Variants in ANAPC1 observed in about 807,000 individuals in gnomAD.
ANAPC1 encodes anaphase promoting complex subunit 1.
A neutral mutation model predicts 208.0 loss-of-function variants in ANAPC1; 36 were observed. The ratio of observed to expected loss-of-function variants is 0.17; its 90% CI spans 0.13 to 0.23. The LOEUF (loss-of-function observed/expected upper bound fraction) is 0.23. Among genes scored for constraint, ANAPC1 ranks in the 10% least tolerant of loss-of-function variants. ANAPC1 has a pLI of 1.00. For missense variants in ANAPC1, 942 were observed against 2,011.6 expected (o/e 0.47, Z 10.17); for synonymous variants, 378 against 695.2 (o/e 0.54, Z 7.18).
At chr2:111,816,403 G>A (rs1468728072) in intron 27 of ANAPC1, among the ~76,000 whole-genome samples, 10 of 150,548 alleles carry the variant, frequency 6.6e-5, no homozygotes, top group East Asian at 1.9e-4. Context: ...ATATGCTATC[G>A]TTTAAAATGC....
intron 17 of ANAPC1, among the ~76,000 whole-genome samples, chr2:111,840,034 T>C (rs1002424699): frequency 8.5e-5 from 13 of 152,186 alleles, no homozygotes; most frequent in Admixed American, 7.2e-4. Context: ...GTCTGGGGTA[T>C]ATGTGAGAAA....
chr2:111,826,675 T>TA (rs200546010), intron 21 of ANAPC1, among the ~76,000 whole-genome samples: 10,803 of 149,264 alleles, frequency 0.072, 580 homozygotes, highest in South Asian at 0.2. Flanking sequence ...ATTTTTTTTT[T>TA]TTTTGAGACG....
intron 16 of ANAPC1, among the ~76,000 whole-genome samples, chr2:111,845,217 G>C (rs1333950187): frequency 6.6e-6 from 1 of 152,138 alleles, no homozygotes; most frequent in Non-Finnish European, 1.5e-5. Flanking sequence ...CCCTCAGAGT[G>C]GCCAGGGCTA....
chr2:111,798,324 A>T (rs979897733), intron 34 of ANAPC1, among the ~76,000 whole-genome samples: 16 of 152,232 alleles, frequency 1.1e-4, no homozygotes, highest in Non-Finnish European at 1.6e-4. Flanking sequence ...TTGAACTACA[A>T]ACAACGTGGT....
At chr2:111,868,215 A>G (rs1212272647) in intron 6 of ANAPC1, 119 bp from the exon 7 acceptor site, 1 of 549,980 alleles carries the variant, frequency 1.8e-6, no homozygotes, top group East Asian at 3.1e-5. Flanking sequence ...TACTATCTCA[A>G]AATGCAATCT....
Position 111,792,504 on chromosome 2 carries a change from C to A in ANAPC1, c.4570G>T (p.Ala1524Ser). ...TTTCCTGAGCCAGCCATGACCATGGCGAGAGACAGCAGCACCACGCTCAGA... is the reference window on the plus strand; with the variant it reads ...TTTCCTGAGCCAGCCATGACCATGGAGAGAGACAGCAGCACCACGCTCAGA... ...TCLSVVLLSL[A>S]MVMAGSGNLK... The change falls in exon 38 of 48, where the codon GCC becomes TCC. Residue 1524 changes from alanine to serine, a missense_variant. Ala to Ser is a moderately conservative substitution (Grantham distance 99, BLOSUM62 1). Coordinates refer to ENST00000341068, the MANE Select transcript of ANAPC1 (RefSeq NM_022662.4). 6.2e-7 allele frequency: 1 copy of A among 1,613,936 alleles called. No individual in the cohort carries two copies. The highest frequency in any genetic ancestry group is 8.5e-7 in the Non-Finnish European group (1 of 1,179,868).
At chr2:111,855,619 T>C (rs948569372) in intron 13 of ANAPC1, among the ~76,000 whole-genome samples, 2 of 152,180 alleles carry the variant, frequency 1.3e-5, no homozygotes, top group Non-Finnish European at 2.9e-5. Context: ...GTACATGGTA[T>C]CTTTTTTTAT....
chr2:111,872,905 A>C (rs1446419137), intron 5 of ANAPC1, 193 bp from the exon 6 acceptor site: 1 of 574,096 alleles, frequency 1.7e-6, no homozygotes, highest in Admixed American at 3.3e-5. Context: ...CAAATCTAAT[A>C]AAGAGGAGTT....
At chr2:111,783,637 T>C (rs1677402402) in intron 42 of ANAPC1, among the ~76,000 whole-genome samples, 1 of 152,208 alleles carries the variant, frequency 6.6e-6, no homozygotes, top group South Asian at 2.1e-4. Context: ...ATAAGTCCAT[T>C]ACTCTCACAA....
chr2:111,868,145 G>A (rs779851885), intron 6 of ANAPC1, 49 bp from the exon 7 acceptor site: 3 of 1,365,760 alleles, frequency 2.2e-6, no homozygotes, highest in East Asian at 2.4e-5. Flanking sequence ...GTATGTCTGT[G>A]CACAAATTTT....
intron 26 of ANAPC1, 25 bp downstream of exon 26, chr2:111,821,214 A>G: frequency 3.1e-6 from 5 of 1,594,948 alleles, no homozygotes; most frequent in Non-Finnish European, 2.6e-6. Flanking sequence ...ACATGACAAG[A>G]GATAGTGCAC....
At chr2:111,790,206 G>T (rs1186797062) in intron 38 of ANAPC1, among the ~76,000 whole-genome samples, 1 of 151,740 alleles carries the variant, frequency 6.6e-6, no homozygotes, top group African/African-American at 2.4e-5. Flanking sequence ...TACTGTAACA[G>T]ATTCTAATCT....
intron 6 of ANAPC1, among the ~76,000 whole-genome samples, chr2:111,869,057 T>C (rs1451252034): frequency 6.6e-6 from 1 of 152,202 alleles, no homozygotes; most frequent in Non-Finnish European, 1.5e-5. Flanking sequence ...CTGCCATTTA[T>C]TGCATACTTA....
intron 13 of ANAPC1, among the ~76,000 whole-genome samples, chr2:111,855,898 T>G (rs6715353): frequency 0.58 from 88,387 of 152,020 alleles, 26,625 homozygotes; most frequent in South Asian, 0.69. Context: ...TAATTTAAAT[T>G]TGTAAAATGT....
intron 2 of ANAPC1, 86 bp from the exon 3 acceptor site, chr2:111,879,057 G>T: frequency 1.2e-5 from 16 of 1,335,912 alleles, no homozygotes; most frequent in Non-Finnish European, 1.5e-5. Context: ...TGCCCATGGA[G>T]TAAGACTCAA....
intron 2 of ANAPC1, among the ~76,000 whole-genome samples, chr2:111,879,729 G>A (rs1373931642): frequency 1.3e-5 from 2 of 152,012 alleles, no homozygotes; most frequent in Non-Finnish European, 2.9e-5. Context: ...AAAATTAGCT[G>A]GGCGTGGTGG....
intron 45 of ANAPC1, among the ~76,000 whole-genome samples, chr2:111,778,017 G>C (rs1383677765): frequency 1.3e-5 from 2 of 152,286 alleles, no homozygotes; most frequent in Admixed American, 1.3e-4. Context: ...GCAAATTTCT[G>C]CCAGGTTAGA....
chr2:111,800,208 T>A (rs1040741990), intron 34 of ANAPC1, among the ~76,000 whole-genome samples: 1 of 145,148 alleles, frequency 6.9e-6, no homozygotes. Context: ...GTGTTCATAT[T>A]AACTTCTTTC....
chr2:111,880,650 C>A lies in ANAPC1; in HGVS notation c.176G>T (p.Gly59Val). 5.6e-6 allele frequency: 9 copies of A among 1,612,778 alleles called. No individual in the cohort carries two copies. Among genetic ancestry groups the A allele is most frequent in the East Asian group, 2.2e-5 (1 of 44,872 alleles). Reference sequence around the variant, plus strand: ...GTGGATTGTAACCTCCTGAAGGGATCCCACCAAGCCAGCAGCACCATCAGA... The same window carrying A: ...GTGGATTGTAACCTCCTGAAGGGATACCACCAAGCCAGCAGCACCATCAGA... ...WSSDGAAGLV[G>V]SLQEVTIHEK... is the part of the protein sequence containing the mutation. Residue 59 changes from glycine (G) to valine (V), a missense_variant, in exon 2 of 48, where the codon GGA becomes GTA. By Grantham distance (109) the Gly-to-Val change is moderately radical (BLOSUM62 -3). Coordinates refer to ENST00000341068, the MANE Select transcript of ANAPC1 (RefSeq NM_022662.4).
Sources: gnomAD v4.1 joint callset for allele counts (sites outside exome capture counted in the v4.1 genomes callset) on GRCh38, gnomAD v4.1.1 for gene constraint, MANE v1.5 for transcripts, NCBI Gene and HGNC (gene_info 2026-07-23, HGNC 2026-07-21) for gene names.